Variants in ZNF829 observed in about 807,000 individuals in gnomAD.
ZNF829 encodes zinc finger protein 829.
ZNF829 carries 25 observed loss-of-function variants against 35.2 expected under a neutral mutation model. The observed-to-expected ratio is 0.71, with a 90% CI of 0.52 to 0.99. ZNF829 has a LOEUF of 0.99. Ranked by LOEUF, ZNF829 falls within the 50% of genes least tolerant of loss-of-function variation. The pLI, the probability that ZNF829 is intolerant of heterozygous loss-of-function variation, is 0.00. For synonymous variants in ZNF829, 136 were observed against 163.2 expected, an observed-to-expected ratio of 0.83 and a Z score of 1.27; for missense variants, 417 against 515.3, an observed-to-expected ratio of 0.81 and a Z score of 1.85.
At position 36,916,212 on chromosome 19, in the gene ZNF829, G is replaced by C; in HGVS notation, c.-286C>G. ...CCGAGCCTCGGAGTTGCGGGTCGCCGTAGCGCTGCGCAATGGAGATGAGCC... is the reference window on the plus strand; with the variant it reads ...CCGAGCCTCGGAGTTGCGGGTCGCCCTAGCGCTGCGCAATGGAGATGAGCC... On this transcript the variant is annotated 5_prime_UTR_variant, in exon 1 of 6. Transcript: ENST00000391711. This position sits in a 1 kb window ranked among gnomAD's most constrained non-coding sequence, Gnocchi z 5.3. The C allele has an allele frequency of 2.2e-6, 1 of 445,196 alleles. No homozygotes were observed. The highest frequency in any genetic ancestry group is 4.0e-6 in the Non-Finnish European group (1 of 249,422). 27.6% of individuals were successfully genotyped at this position (445,196 alleles called of 1,614,324 possible). A position where few individuals can be genotyped will look rare whatever the true frequency, so the allele number is the denominator to read the frequency against.
chr19:36,893,215 A>G (rs1399489064), intron 5 of ZNF829, among the ~76,000 whole-genome samples: 2 of 152,208 alleles, frequency 1.3e-5, no homozygotes, highest in African/African-American at 4.8e-5. Context: ...GCTGAACACA[A>G]CTGGTGGGAA....
intron 5 of ZNF829, among the ~76,000 whole-genome samples, chr19:36,897,371 T>G (rs1269587639): frequency 2.6e-5 from 4 of 152,184 alleles, no homozygotes; most frequent in Admixed American, 2.6e-4. Flanking sequence ...AAGTGAGATT[T>G]TTCCTGAAAA....
intron 4 of ZNF829, 145 bp downstream of exon 4, chr19:36,908,188 C>T (rs2073234597): frequency 7.7e-7 from 1 of 1,300,758 alleles, no homozygotes; most frequent in Non-Finnish European, 1.1e-6. Flanking sequence ...CCACTTCCAA[C>T]TCTTCCATTC....
Position 36,891,560 on chromosome 19 carries a change from T to G in ZNF829, c.1231A>C (p.Lys411Gln). The G allele has an allele frequency of 6.2e-7, 1 of 1,610,972 alleles. No individual in the cohort carries two copies. The highest frequency in any genetic ancestry group is 8.5e-7 in the Non-Finnish European group (1 of 1,178,708). Residue 411 changes from lysine (K) to glutamine (Q), a missense_variant, in exon 6 of 6, where the codon AAG becomes CAG. Coordinates refer to ENST00000391711, the MANE Select transcript of ZNF829 (RefSeq NM_001037232.4). Reference sequence around the variant, plus strand: ...CTACCAAAAGCCTTTCCACATTCCTTACAGTCATAGGGTTTCTCACCAGTG... The same window carrying G: ...CTACCAAAAGCCTTTCCACATTCCTGACAGTCATAGGGTTTCTCACCAGTG... Reference protein sequence around the residue: ...IHTGEKPYDCKECGKAFGSRS... With the variant: ...IHTGEKPYDCQECGKAFGSRS...
At chr19:36,905,639 T>A (rs947511002) in intron 5 of ZNF829, 3 of 152,180 alleles carry the variant, frequency 2.0e-5, no homozygotes, top group African/African-American at 7.2e-5. Flanking sequence ...GGTTTCACCA[T>A]GTTGCCCAGG....
chr19:36,915,602 G>C (rs2073313613), intron 1 of ZNF829, among the ~76,000 whole-genome samples: 2 of 149,390 alleles, frequency 1.3e-5, no homozygotes, highest in African/African-American at 4.9e-5. Context: ...TTTTTTGGGG[G>C]GGTGGGGTGG....
intron 1 of ZNF829, 157 bp downstream of exon 1, chr19:36,915,854 C>G: frequency 6.5e-7 from 1 of 1,536,086 alleles, no homozygotes; most frequent in Non-Finnish European, 8.7e-7. Flanking sequence ...CTCGGCCTCC[C>G]AAACACAACC....
rs1568369940 is a variant in ZNF829 at position 36,902,052 on chromosome 19, C to CTTTGG, written c.319+5872_319+5876dup. The CTTTGG allele has an allele frequency of 1.1e-5, 6 of 565,334 alleles. No individual in the cohort carries two copies. The East Asian group carries it at 2.0e-4, about 18-fold the overall frequency. 35.0% of individuals were successfully genotyped at this position (565,334 alleles called of 1,614,324 possible). A position where few individuals can be genotyped will look rare whatever the true frequency, so the allele number is the denominator to read the frequency against. ...GAAGATTCACCAAATAAACTCTATACTTTGGTTATCTATGTATCTGTTACC... is the reference window on the plus strand; with the variant it reads ...GAAGATTCACCAAATAAACTCTATACTTTGGTTTGGTTATCTATGTATCTGTTACC... On this transcript the variant is annotated intron_variant, in intron 5 of 5. Transcript: ENST00000391711.
At chr19:36,910,310 C>T (rs974834582) in intron 3 of ZNF829, among the ~76,000 whole-genome samples, 3 of 152,150 alleles carry the variant, frequency 2.0e-5, no homozygotes, top group African/African-American at 7.2e-5. Flanking sequence ...GTCTCAAACT[C>T]CTGACCTCAA....
chr19:36,902,638 C>G (rs1049619131), intron 5 of ZNF829, among the ~76,000 whole-genome samples: 1 of 122,588 alleles, frequency 8.2e-6, no homozygotes, highest in Admixed American at 8.1e-5. Context: ...GAGCCAGACT[C>G]TGTCTCAAAA....
Position 36,908,474 on chromosome 19 carries a change from A to G in ZNF829, c.97-15T>C. On this transcript the variant is annotated splice_polypyrimidine_tract_variant and intron_variant, in intron 3 of 5. Transcript: ENST00000391711. ...ATCACCGGCCCCTGAAACAACAAAC[A>G]TGCTTTCACAATGAAAGGAGAAAAG... 1 of 1,582,980 alleles carries G rather than the reference A, an allele frequency of 6.3e-7. No homozygotes were observed. Among genetic ancestry groups the G allele is most frequent in the Non-Finnish European group, 8.6e-7 (1 of 1,167,908 alleles).
chr19:36,906,575 A>G (rs2073217183), intron 5 of ZNF829: 1 of 152,206 alleles, frequency 6.6e-6, no homozygotes, highest in African/African-American at 2.4e-5. Flanking sequence ...GAAAATTGGT[A>G]TATTTACTAA....
chr19:36,912,056 C>T (rs1416544828), intron 3 of ZNF829, among the ~76,000 whole-genome samples: 1 of 152,208 alleles, frequency 6.6e-6, no homozygotes, highest in Non-Finnish European at 1.5e-5. Flanking sequence ...TCCTTACCTC[C>T]TCTTCCCTAC....
At chr19:36,895,418 A>G (rs1245651331) in intron 5 of ZNF829, among the ~76,000 whole-genome samples, 1 of 152,306 alleles carries the variant, frequency 6.6e-6, no homozygotes, top group Non-Finnish European at 1.5e-5. Context: ...AGATGTAACC[A>G]TTACATAAAA....
chr19:36,901,496 G>A (rs1292996803), intron 5 of ZNF829, among the ~76,000 whole-genome samples: 1 of 152,006 alleles, frequency 6.6e-6, no homozygotes, highest in Non-Finnish European at 1.5e-5. Flanking sequence ...TGAACTATAT[G>A]GTATGTGAAT....
chr19:36,895,165 G>A (rs1354939180), intron 5 of ZNF829, among the ~76,000 whole-genome samples: 1 of 152,104 alleles, frequency 6.6e-6, no homozygotes, highest in Non-Finnish European at 1.5e-5. Context: ...AGAATGGGAT[G>A]ATATATTCAA....
chr19:36,915,151 A>T lies in ZNF829; in HGVS notation c.17T>A (p.Leu6Gln). The T allele has an allele frequency of 6.2e-7, 1 of 1,614,144 alleles. No homozygotes were observed. Among genetic ancestry groups the T allele is most frequent in the Non-Finnish European group, 8.5e-7 (1 of 1,180,028 alleles). ...CCACCACACATGAGGAATGGAGATC[A>T]GAGGAGAATGGGGCATTCTGTCCAA... MPHSP[L>Q]ISIPHVWCHP... Residue 6 changes from leucine to glutamine, a missense_variant, in exon 2 of 6, where the codon CTG becomes CAG. Leu to Gln is a moderately radical substitution (Grantham distance 113). Transcript: ENST00000391711.
In ZNF829 at chr19:36,892,075, G is replaced by C. The variant is rs753508299; in HGVS notation, c.716C>G (p.Pro239Arg). ...TTTTCCACATTCCTTACATTCATAG[G>C]GTTTCTCACCAGTGTGAATCCTCTG... ...QHQRIHTGEK[P>R]YECKECGKAF... Residue 239 changes from proline to arginine, a missense_variant, in exon 6 of 6, where the codon CCC (proline) becomes CGC (arginine). Coordinates refer to ENST00000391711, the MANE Select transcript of ZNF829 (RefSeq NM_001037232.4). 4 of 1,614,002 alleles carry C rather than the reference G, an allele frequency of 2.5e-6. No individual in the cohort carries two copies. The Admixed American group carries it at 5.0e-5, about 20-fold the overall frequency.
intron 3 of ZNF829, chr19:36,912,907 G>C (rs1257449870): frequency 6.6e-6 from 1 of 152,262 alleles, no homozygotes; most frequent in African/African-American, 2.4e-5. Context: ...TGAGGCAGGA[G>C]AATCGCTTGA....
Sources: allele counts gnomAD v4.1 joint callset (sites outside exome capture counted in the v4.1 genomes callset), GRCh38; gene constraint gnomAD v4.1.1; non-coding constraint Gnocchi (gnomAD v3.1); transcripts MANE v1.5; gene names NCBI Gene and HGNC (gene_info 2026-07-23, HGNC 2026-07-21).